NLRP7: variants seen among roughly 807,000 people sequenced by gnomAD.
NLRP7 encodes NLR family pyrin domain containing 7.
In NLRP7, 72 loss-of-function variants were observed where a neutral mutation model predicts 85.5. The observed-to-expected ratio is 0.84, with a 90% CI of 0.70 to 1.02. The LOEUF is 1.02. Among genes scored for constraint, NLRP7 ranks in the 50% least tolerant of loss-of-function variants. The probability of loss-of-function intolerance (pLI) is 0.00; values close to 1 mark genes in which losing one functional copy is unlikely to be tolerated. For synonymous variants in NLRP7, 550 were observed against 505.2 expected (o/e 1.09, Z -1.19); for missense variants, 1,243 against 1,219.5 (o/e 1.02, Z -0.29).
intron 6 of NLRP7, among the ~76,000 whole-genome samples, chr19:54,935,226 G>T (rs1374005499): frequency 1.6e-5 from 1 of 63,284 alleles, no homozygotes; most frequent in Non-Finnish European, 5.0e-5. Context: ...TTTTGCAGGG[G>T]GGAAAAAAAA....
chr19:54,959,442 G>T (rs570628805), intron 1 of NLRP7, among the ~76,000 whole-genome samples: 6 of 150,686 alleles, frequency 4.0e-5, no homozygotes, highest in African/African-American at 1.2e-4. Context: ...CGGCCTCCTT[G>T]TTTTTTTTCT....
chr19:54,936,739 G>T (rs1202087504), intron 5 of NLRP7, among the ~76,000 whole-genome samples: 1 of 151,840 alleles, frequency 6.6e-6, no homozygotes, highest in Non-Finnish European at 1.5e-5. Flanking sequence ...ACATGGGGAA[G>T]CCCCGTCTCT....
chr19:54,957,756 T>G (rs2069906128), intron 1 of NLRP7, among the ~76,000 whole-genome samples: 2 of 152,124 alleles, frequency 1.3e-5, no homozygotes, highest in South Asian at 4.1e-4. Context: ...TGAATCTGGT[T>G]TTTCTTCTGT....
intron 1 of NLRP7, among the ~76,000 whole-genome samples, chr19:54,962,755 A>G (rs1226929695): frequency 1.3e-5 from 2 of 149,656 alleles, no homozygotes; most frequent in African/African-American, 2.4e-5. Flanking sequence ...GCCCGCCACC[A>G]CGCCCGGCTA....
At chr19:54,946,240 TCA>T (rs1202935004) in intron 1 of NLRP7, among the ~76,000 whole-genome samples, 2 of 148,938 alleles carry the variant, frequency 1.3e-5, no homozygotes, top group African/African-American at 5.0e-5. Context: ...ATGCAGCATT[TCA>T]CTCTGGTTGC....
At position 54,943,143 on chromosome 19, in the gene NLRP7, A is replaced by G. The variant is rs562218982; in HGVS notation, c.-39-1393T>C. The stretch of plus-strand genomic sequence containing the variant: ...GCCTGGGCAACAAGAGCGAAACTCT[A>G]TCTCAAAAAAAAAAAACTTAGCCAG... On this transcript the variant is annotated intron_variant, in intron 1 of 9. Coordinates refer to ENST00000340844, the Ensembl canonical transcript of NLRP7. Among the ~76,000 whole-genome samples, 382 of 149,890 alleles carry G rather than the reference A, an allele frequency of 2.5e-3. 2 individuals carry two copies. Among genetic ancestry groups the G allele is most frequent in the African/African-American group, 8.6e-3 (348 of 40,658 alleles).
intron 6 of NLRP7, among the ~76,000 whole-genome samples, chr19:54,935,814 A>G (rs1671156): frequency 0.39 from 59,139 of 151,948 alleles, 14,891 homozygotes; most frequent in African/African-American, 0.72. Flanking sequence ...CCAAAGTGCG[A>G]GGATCATGCA....
chr19:54,959,913 T>C (rs566115378), intron 1 of NLRP7, among the ~76,000 whole-genome samples: 1 of 151,986 alleles, frequency 6.6e-6, no homozygotes, highest in East Asian at 1.9e-4. Flanking sequence ...CTGCAGAGCC[T>C]TGTCAGAAGC....
chr19:54,932,835 T>G (rs2068734522), intron 8 of NLRP7, among the ~76,000 whole-genome samples: 1 of 152,034 alleles, frequency 6.6e-6, no homozygotes, highest in African/African-American at 2.4e-5. Flanking sequence ...TTTGTATTTT[T>G]TAGTAGCGAT....
At chr19:54,955,540 G>A (rs2146275685) in intron 1 of NLRP7, among the ~76,000 whole-genome samples, 1 of 152,234 alleles carries the variant, frequency 6.6e-6, no homozygotes, top group African/African-American at 2.4e-5. Flanking sequence ...CACAGTGGCT[G>A]TAAGCCCAGC....
intron 8 of NLRP7, among the ~76,000 whole-genome samples, chr19:54,931,973 C>T (rs1368528607): frequency 6.6e-6 from 1 of 152,054 alleles, no homozygotes; most frequent in Non-Finnish European, 1.5e-5. Flanking sequence ...CACTTATTTT[C>T]TGCGTGGTTA....
intron 1 of NLRP7, among the ~76,000 whole-genome samples, chr19:54,955,389 C>T (rs1338831589): frequency 6.6e-6 from 1 of 152,116 alleles, no homozygotes; most frequent in Non-Finnish European, 1.5e-5. Context: ...CAGCCTTGGG[C>T]CAGGCATGGT....
exon 3 of NLRP7, chr19:54,940,981 T>C (rs747561119): frequency 9.9e-6 from 16 of 1,612,700 alleles, no homozygotes; most frequent in Non-Finnish European, 1.4e-5. Flanking sequence ...CTCAGGATTA[T>C]CTATTTCTTG....
At chr19:54,923,897 G>A in intron 9 of NLRP7, 25 bp from the exon 11 acceptor site, 1 of 1,609,072 alleles carries the variant, frequency 6.2e-7, no homozygotes. Flanking sequence ...GAACACAAAT[G>A]TTCCCAGAAA....
Position 54,934,775 on chromosome 19 carries a change from T to C in NLRP7, c.2301-116A>G. On this transcript the variant is annotated intron_variant, in intron 6 of 9. Transcript: ENST00000340844. The surrounding 1 kb of genome is among the most constrained non-coding windows in gnomAD (Gnocchi z 6.7). ...CCCAGTCTGGAATGCAAAGGCGTGA[T>C]CTCACCTCACTGCAGCCTCCGCCTC... 1 of 822,560 alleles carries C rather than the reference T, an allele frequency of 1.2e-6. No individual in the cohort carries two copies. Among genetic ancestry groups the C allele is most frequent in the Non-Finnish European group, 1.9e-6 (1 of 531,242 alleles). 51.0% of individuals were successfully genotyped at this position (822,560 alleles called of 1,614,324 possible).
intron 5 of NLRP7, among the ~76,000 whole-genome samples, chr19:54,936,699 G>C (rs2068944063): frequency 6.6e-6 from 1 of 152,062 alleles, no homozygotes; most frequent in Non-Finnish European, 1.5e-5. Flanking sequence ...CAGATCGCCT[G>C]AGGTCAGGAG....
chr19:54,924,174 G>C (rs188091580), intron 9 of NLRP7, among the ~76,000 whole-genome samples: 2 of 152,266 alleles, frequency 1.3e-5, no homozygotes, highest in African/African-American at 4.8e-5. Context: ...CGACATGTTA[G>C]CCAGGCTGGT....
chr19:54,931,366 G>A (rs949637405), intron 8 of NLRP7, among the ~76,000 whole-genome samples: 1 of 152,046 alleles, frequency 6.6e-6, no homozygotes, highest in African/African-American at 2.4e-5. Flanking sequence ...AGACCAGCCT[G>A]GCCAAAGTGG....
At chr19:54,936,544 G>A (rs544203435) in intron 5 of NLRP7, 113 bp from the exon 6 acceptor site, 269 of 927,336 alleles carry the variant, frequency 2.9e-4, no homozygotes, top group African/African-American at 1.7e-3. Flanking sequence ...GTTCTTGGCC[G>A]GGTGCAGTGG....
Sources: gnomAD v4.1 joint callset for allele counts (sites outside exome capture counted in the v4.1 genomes callset) on GRCh38, gnomAD v4.1.1 for gene constraint, Gnocchi (gnomAD v3.1) non-coding constraint, MANE v1.5 for transcripts, NCBI Gene and HGNC (gene_info 2026-07-23, HGNC 2026-07-21) for gene names.